Variants in DGKB observed in about 807,000 individuals in gnomAD.
DGKB encodes the protein 90 kDa diacylglycerol kinase.
In DGKB, 67 loss-of-function variants were observed where a neutral mutation model predicts 114.3. That is an observed-to-expected ratio of 0.59 (90% confidence interval 0.48 to 0.72). The LOEUF (loss-of-function observed/expected upper bound fraction) is 0.72. Ranked by LOEUF, DGKB falls within the 30% of genes least tolerant of loss-of-function variation. The pLI is 0.00. For missense variants in DGKB, 907 were observed against 975.2 expected, an observed-to-expected ratio of 0.93 and a Z score of 0.93; for synonymous variants, 398 against 323.1, an observed-to-expected ratio of 1.23 and a Z score of -2.49.
intron 23 of DGKB, among the ~76,000 whole-genome samples, chr7:14,189,932 A>T (rs968461295): frequency 1.3e-5 from 2 of 152,174 alleles, no homozygotes; most frequent in Non-Finnish European, 2.9e-5. Context: ...ATCTAAAGGG[A>T]GAGATAGAAC....
chr7:14,552,340 T>C (rs1335633687), intron 20 of DGKB, among the ~76,000 whole-genome samples: 1 of 152,212 alleles, frequency 6.6e-6, no homozygotes, highest in Non-Finnish European at 1.5e-5. Context: ...AGGAGCTAAA[T>C]GCTAAATGCC....
chr7:14,304,087 A>ACACACTCTCTCT (rs140836395), intron 23 of DGKB, among the ~76,000 whole-genome samples: 1,359 of 110,062 alleles, frequency 0.012, 13 homozygotes, highest in African/African-American at 0.025. Flanking sequence ...ACACACACAC[A>ACACACTCTCTCT]CTCTCTCTCT....
At position 14,577,521 on chromosome 7, in the gene DGKB, G is replaced by A. The variant is rs564319902; in HGVS notation, c.1610-3149C>T. Among the ~76,000 whole-genome samples the A allele has an allele frequency of 5.3e-5, 8 of 152,258 alleles. No individual in the cohort carries two copies. In the South Asian group the frequency reaches 8.3e-4, roughly 16 times the overall value. On this transcript the variant is annotated intron_variant, in intron 19 of 25. Coordinates refer to ENST00000402815, the MANE Select transcript of DGKB (RefSeq NM_001350709.2). The stretch of plus-strand genomic sequence containing the variant: ...AGTACCAGCTACTCGGGAGGCTGAG[G>A]CAGGAGAATGGCGTGAACCCGGGGG...
At chr7:14,726,201 G>A (rs1285806778) in intron 5 of DGKB, among the ~76,000 whole-genome samples, 5 of 152,024 alleles carry the variant, frequency 3.3e-5, no homozygotes, top group South Asian at 2.1e-4. Context: ...GTGCAGTGGC[G>A]CAATCTGGGC....
intron 2 of DGKB, among the ~76,000 whole-genome samples, chr7:14,817,247 C>T (rs1378093721): frequency 2.0e-5 from 3 of 152,144 alleles, no homozygotes; most frequent in African/African-American, 7.2e-5. Context: ...ATTTTAGTTA[C>T]TTCTTCCACT....
At chr7:14,450,994 G>C (rs1327338786) in intron 21 of DGKB, among the ~76,000 whole-genome samples, 1 of 151,942 alleles carries the variant, frequency 6.6e-6, no homozygotes, top group African/African-American at 2.4e-5. Flanking sequence ...AATATCAGAT[G>C]GGTCTCCACA....
chr7:14,782,080 A>C (rs1839187599), intron 2 of DGKB, among the ~76,000 whole-genome samples: 1 of 152,170 alleles, frequency 6.6e-6, no homozygotes, highest in Non-Finnish European at 1.5e-5. Flanking sequence ...GCTGAAGTGC[A>C]GTGGTGAGAT....
At chr7:14,624,217 C>G (rs1218835686) in intron 14 of DGKB, among the ~76,000 whole-genome samples, 1 of 152,152 alleles carries the variant, frequency 6.6e-6, no homozygotes, top group African/African-American at 2.4e-5. Context: ...TGTTCAAAAA[C>G]TTAATGCTGT....
intron 23 of DGKB, among the ~76,000 whole-genome samples, chr7:14,301,695 A>G (rs1034935274): frequency 1.3e-5 from 2 of 152,182 alleles, no homozygotes; most frequent in Non-Finnish European, 2.9e-5. Flanking sequence ...GTGTGTACAC[A>G]CACACACATA....
intron 23 of DGKB, among the ~76,000 whole-genome samples, chr7:14,301,862 C>T (rs560080527): frequency 2.0e-5 from 3 of 152,092 alleles, no homozygotes; most frequent in Admixed American, 1.3e-4. Flanking sequence ...GTGCTTTTGT[C>T]AGACTCATGG....
At chr7:14,474,832 T>C (rs2128897025) in intron 21 of DGKB, among the ~76,000 whole-genome samples, 1 of 152,108 alleles carries the variant, frequency 6.6e-6, no homozygotes, top group African/African-American at 2.4e-5. Context: ...ATTTAGTTTT[T>C]TTTTTTCTTG....
At chr7:14,347,795 T>C (rs73263942) in intron 21 of DGKB, among the ~76,000 whole-genome samples, 1 of 152,054 alleles carries the variant, frequency 6.6e-6, no homozygotes, top group African/African-American at 2.4e-5. Flanking sequence ...TGTAAGTTTC[T>C]ATGTGAAGTC....
rs998683590 is a variant in DGKB, at chr7:14,498,304, G to A, written c.1771-20079C>T. ...CATTAAAATATATTCACAAACAAGT[G>A]CTCCATTTTTAAAATTGCTCTGCTA... On this transcript the variant is annotated intron_variant, in intron 20 of 25. Transcript: ENST00000402815. Among the ~76,000 whole-genome samples the A allele has an allele frequency of 2.6e-5, 4 of 151,712 alleles. No homozygotes were observed. In the East Asian group the frequency reaches 7.7e-4, roughly 29 times the overall value.
chr7:14,793,697 A>G (rs375533037), intron 2 of DGKB, among the ~76,000 whole-genome samples: 1 of 152,210 alleles, frequency 6.6e-6, no homozygotes, highest in East Asian at 1.9e-4. Context: ...GAAATTAACT[A>G]TCTCTATGAG....
chr7:14,748,921 G>T (rs563850712), intron 4 of DGKB, among the ~76,000 whole-genome samples: 8 of 152,224 alleles, frequency 5.3e-5, no homozygotes, highest in African/African-American at 1.9e-4. Context: ...AACCAATGTT[G>T]ACTGAGTACC....
intron 25 of DGKB, among the ~76,000 whole-genome samples, chr7:14,153,545 A>C (rs1584076551): frequency 6.6e-6 from 1 of 152,176 alleles, no homozygotes; most frequent in South Asian, 2.1e-4. Flanking sequence ...TAAATGCAAG[A>C]GCTGGGTTTG....
intron 20 of DGKB, among the ~76,000 whole-genome samples, chr7:14,507,824 C>A (rs7793372): frequency 6.6e-6 from 1 of 151,896 alleles, no homozygotes; most frequent in Admixed American, 6.6e-5. Context: ...CAAAAAAACA[C>A]GTGAGTCAAC....
intron 20 of DGKB, among the ~76,000 whole-genome samples, chr7:14,526,874 G>A (rs866638396): frequency 6.6e-6 from 1 of 151,784 alleles, no homozygotes; most frequent in Non-Finnish European, 1.5e-5. Context: ...CACCTATTTC[G>A]GCCACCATTT....
intron 13 of DGKB, among the ~76,000 whole-genome samples, chr7:14,652,756 C>G (rs1814846004): frequency 6.6e-6 from 1 of 151,972 alleles, no homozygotes; most frequent in South Asian, 2.1e-4. Flanking sequence ...ACTCATCTGA[C>G]AAAGGGCTAA....
Sources: allele counts gnomAD v4.1 joint callset (sites outside exome capture counted in the v4.1 genomes callset), GRCh38; gene constraint gnomAD v4.1.1; transcripts MANE v1.5; gene names NCBI Gene and HGNC (gene_info 2026-07-23, HGNC 2026-07-21).